CUBN: variants seen among roughly 807,000 people sequenced by gnomAD.
CUBN encodes the protein 460 kDa receptor.
CUBN carries 282 observed loss-of-function variants against 405.3 expected under a neutral mutation model. The ratio of observed to expected loss-of-function variants is 0.70; its 90% CI spans 0.63 to 0.77. The LOEUF is 0.77. CUBN is among the 30% of genes least tolerant of loss of function. CUBN has a pLI of 0.00. For missense variants in CUBN, 4,514 were observed against 4,475.2 expected (o/e 1.01, Z -0.25); for synonymous variants, 1,684 against 1,617.0 (o/e 1.04, Z -0.99).
chr10:17,086,302 A>T (rs1543491), intron 15 of CUBN, among the ~76,000 whole-genome samples: 127,630 of 152,172 alleles, frequency 0.84, 53,628 homozygotes, highest in East Asian at 0.95. Context: ...ACATATAGTT[A>T]GAATTTTTGT....
At chr10:16,840,282 G>A in intron 62 of CUBN, 48 bp downstream of exon 62, 1 of 1,480,546 alleles carries the variant, frequency 6.8e-7, no homozygotes, top group Non-Finnish European at 9.4e-7. Context: ...TGCAAATACT[G>A]GTGAAAAGGT....
chr10:16,865,156 G>T (rs1372828792), intron 59 of CUBN, among the ~76,000 whole-genome samples: 1 of 151,380 alleles, frequency 6.6e-6, no homozygotes, highest in African/African-American at 2.4e-5. Context: ...TTTTAGTAGA[G>T]ACGGGGTTTC....
chr10:16,891,969 T>C (rs868041189), intron 54 of CUBN, among the ~76,000 whole-genome samples: 3 of 152,340 alleles, frequency 2.0e-5, no homozygotes, highest in South Asian at 2.1e-4. Flanking sequence ...TTAATCTTAC[T>C]TGACTATTCA....
chr10:16,890,394 C>T lies in CUBN; in HGVS notation c.8732G>A (p.Gly2911Asp). The T allele has an allele frequency of 1.2e-6, 2 of 1,613,692 alleles. No homozygotes were observed. The highest frequency in any genetic ancestry group is 1.7e-6 in the Non-Finnish European group (2 of 1,180,034). ...VFQSQEAPAQ[G>D]FSASFVSRCG... Reference sequence around the variant, plus strand: ...ACGGCTAACAAAGGACGCGGAGAAGCCCTGAGCTGGTGCCTCCTGAGACTG... The same window carrying T: ...ACGGCTAACAAAGGACGCGGAGAAGTCCTGAGCTGGTGCCTCCTGAGACTG... The change falls in exon 55 of 67, where the codon GGC becomes GAC. Residue 2911 changes from glycine (G) to aspartate (D), a missense_variant. This residue lies in a region of CUBN where 1,186 missense variants were observed against 1,186.9 expected (regional missense o/e 1.00). Coordinates refer to ENST00000377833, the MANE Select transcript of CUBN (RefSeq NM_001081.4).
chr10:16,922,808 A>G (rs1352827340), intron 43 of CUBN, among the ~76,000 whole-genome samples: 4 of 149,944 alleles, frequency 2.7e-5, no homozygotes, highest in Non-Finnish European at 5.9e-5. Flanking sequence ...TGTTCTGTGC[A>G]TTCCTCTTTC....
chr10:17,042,955 T>G (rs939677554), intron 26 of CUBN, among the ~76,000 whole-genome samples: 1 of 152,150 alleles, frequency 6.6e-6, no homozygotes, highest in African/African-American at 2.4e-5. Context: ...AAATTTTGAT[T>G]CAGTAGAATT....
At chr10:17,126,510 G>A (rs1293624179) in intron 4 of CUBN, among the ~76,000 whole-genome samples, 4 of 152,186 alleles carry the variant, frequency 2.6e-5, no homozygotes, top group African/African-American at 9.7e-5. Flanking sequence ...GATGTGGGCT[G>A]TGGGCTGCAA....
At chr10:17,129,578 T>C in intron 1 of CUBN, 66 bp downstream of exon 1, 1 of 1,607,584 alleles carries the variant, frequency 6.2e-7, no homozygotes, top group Non-Finnish European at 8.5e-7. Flanking sequence ...TTTATCTGGC[T>C]ATTTGGGAAA....
chr10:17,086,255 C>T (rs966880589), intron 15 of CUBN, among the ~76,000 whole-genome samples: 5 of 152,130 alleles, frequency 3.3e-5, no homozygotes, highest in Admixed American at 6.5e-5. Flanking sequence ...TGAGCCACCG[C>T]GCCTGGCCTG....
intron 17 of CUBN, among the ~76,000 whole-genome samples, chr10:17,077,538 A>G (rs988955022): frequency 6.6e-6 from 1 of 152,236 alleles, no homozygotes; most frequent in African/African-American, 2.4e-5. Flanking sequence ...TTCTAAAATA[A>G]TAAGCATTAA....
intron 2 of CUBN, among the ~76,000 whole-genome samples, chr10:17,128,434 TGAAATA>T (rs1478386018): frequency 6.6e-6 from 1 of 152,192 alleles, no homozygotes; most frequent in Non-Finnish European, 1.5e-5. Context: ...ACATTATGAC[TGAAATA>T]TGCAGTGATT....
chr10:16,906,497 C>T, intron 49 of CUBN, 88 bp from the exon 50 acceptor site: 2 of 919,348 alleles, frequency 2.2e-6, no homozygotes, highest in Admixed American at 1.8e-5. Context: ...GTAACTAAAA[C>T]ATCAACATTA....
intron 27 of CUBN, among the ~76,000 whole-genome samples, chr10:17,027,424 TTAAAA>T (rs1378187737): frequency 1.3e-5 from 2 of 152,118 alleles, no homozygotes; most frequent in Non-Finnish European, 2.9e-5. Flanking sequence ...CCTTCGAATA[TTAAAA>T]TAAAATAAAT....
At chr10:16,874,545 G>T in intron 57 of CUBN, 42 bp from the exon 58 acceptor site, 1 of 1,611,884 alleles carries the variant, frequency 6.2e-7, no homozygotes, top group African/African-American at 1.3e-5. Context: ...ACAACGATTA[G>T]TCCCAGCATG....
intron 27 of CUBN, among the ~76,000 whole-genome samples, chr10:17,037,704 A>G (rs2131811173): frequency 6.6e-6 from 1 of 152,346 alleles, no homozygotes; most frequent in Middle Eastern, 3.4e-3. Flanking sequence ...GAAATGAAGG[A>G]TAAGGATTGG....
chr10:16,839,010 T>A (rs1463660705), intron 62 of CUBN, among the ~76,000 whole-genome samples: 1 of 152,176 alleles, frequency 6.6e-6, no homozygotes, highest in East Asian at 1.9e-4. Context: ...CCAAACAGCC[T>A]CTTCACTGAT....
At chr10:17,027,369 T>A (rs1031391044) in intron 27 of CUBN, among the ~76,000 whole-genome samples, 5 of 152,174 alleles carry the variant, frequency 3.3e-5, no homozygotes, top group African/African-American at 1.2e-4. Context: ...CAAGCTATTG[T>A]TAGGTGAAAA....
rs777857742 is a variant in CUBN, at chr10:17,071,590, A to G, written c.2461T>C (p.Leu821=). 9 of 1,613,684 alleles carry G rather than the reference A, an allele frequency of 5.6e-6. No homozygotes were observed. Among genetic ancestry groups the G allele is most frequent in the Non-Finnish European group, 7.6e-6 (9 of 1,179,882 alleles). Residue 821 remains leucine (L), a synonymous_variant, in exon 19 of 67, where the codon TTA becomes CTA. Coordinates refer to ENST00000377833, the MANE Select transcript of CUBN (RefSeq NM_001081.4). The part of the protein sequence containing the change: ...AVYQVACGDE[L]TGEGVIRSPF... ...GAGCGAATGACCCCTTCTCCAGTTAATTCATCCCCGCAAGCTGTAAGCATA... is the reference window on the plus strand; with the variant it reads ...GAGCGAATGACCCCTTCTCCAGTTAGTTCATCCCCGCAAGCTGTAAGCATA...
rs889909176 is a variant in CUBN at position 16,947,561 on chromosome 10, G to A, written c.5210-194C>T. ...AACTGAAGACCAAGGGCCATGCAGT[G>A]TGGTGGATTAGAAGGAATTTCTGCA... On this transcript the variant is annotated intron_variant, in intron 35 of 66. Transcript: ENST00000377833. 7.9e-5 allele frequency among the ~76,000 whole-genome samples: 12 copies of A among 152,340 alleles called. No homozygotes were observed. The South Asian group carries it at 2.5e-3, about 32-fold the overall frequency.
Sources: gnomAD v4.1 joint callset for allele counts (sites outside exome capture counted in the v4.1 genomes callset) on GRCh38, gnomAD v4.1.1 for gene constraint, gnomAD v4.1.1 regional missense constraint, MANE v1.5 for transcripts, NCBI Gene and HGNC (gene_info 2026-07-23, HGNC 2026-07-21) for gene names.